The following XRRA1 variants were observed in gnomAD, a reference collection of about 807,000 sequenced individuals.
XRRA1 encodes the protein X-ray radiation resistance associated 1.
A neutral mutation model predicts 80.2 loss-of-function variants in XRRA1; 69 were observed. The observed-to-expected ratio is 0.86, with a 90% CI of 0.71 to 1.05. The LOEUF is 1.05. Ranked by LOEUF, XRRA1 falls within the 50% of genes least tolerant of loss-of-function variation. The probability of loss-of-function intolerance (pLI) is 0.00; values close to 1 mark genes in which losing one functional copy is unlikely to be tolerated. For missense variants in XRRA1, 967 were observed against 976.4 expected (o/e 0.99, Z 0.13); for synonymous variants, 348 against 389.9 (o/e 0.89, Z 1.27).
chr11:74,902,434 GA>G (rs2053730285), intron 10 of XRRA1, among the ~76,000 whole-genome samples: 1 of 152,178 alleles, frequency 6.6e-6, no homozygotes, highest in Non-Finnish European at 1.5e-5. Flanking sequence ...CAAAAGAAGG[GA>G]AATCGGTATA....
chr11:74,843,445 G>A lies in XRRA1; in HGVS notation c.2158C>T (p.Leu720=). The A allele has an allele frequency of 6.2e-7, 1 of 1,611,822 alleles. No individual in the cohort carries two copies. Among genetic ancestry groups the A allele is most frequent in the Non-Finnish European group, 8.5e-7 (1 of 1,179,038 alleles). Residue 720 remains leucine, a synonymous_variant, in exon 19 of 19, where the codon CTG becomes TTG. Transcript: ENST00000684022. ...NITEAPLGAV[L]HQWTERRLVN... The stretch of plus-strand genomic sequence containing the variant: ...AGCCGCCGTTCTGTCCACTGGTGCA[G>A]GACAGCACCTGCAGGAAAAGAAGCC...
At chr11:74,883,290 ACC>A (rs992788172) in intron 10 of XRRA1, among the ~76,000 whole-genome samples, 35 of 152,122 alleles carry the variant, frequency 2.3e-4, no homozygotes, top group African/African-American at 7.9e-4. Context: ...GCCGTCCGTC[ACC>A]CCTTTCTTTG....
intron 6 of XRRA1, among the ~76,000 whole-genome samples, chr11:74,929,729 T>A (rs1943076804): frequency 6.6e-6 from 1 of 152,222 alleles, no homozygotes; most frequent in Non-Finnish European, 1.5e-5. Context: ...CAGTTCCTCC[T>A]GACACTCTGG....
In XRRA1 at chr11:74,907,291, T is replaced by A; in HGVS notation, c.657-18A>T. The stretch of plus-strand genomic sequence containing the variant: ...ATGCCTCCCTGTGAGTGCAAAGATC[T>A]TGGGTAATGAGCAAGGTCGAGGGAC... On this transcript the variant is annotated intron_variant, in intron 8 of 18. Coordinates refer to ENST00000684022, the MANE Select transcript of XRRA1 (RefSeq NM_001378157.1). 1 of 1,613,552 alleles carries A rather than the reference T, an allele frequency of 6.2e-7. No individual in the cohort carries two copies. Among genetic ancestry groups the A allele is most frequent in the Non-Finnish European group, 8.5e-7 (1 of 1,179,650 alleles).
chr11:74,843,548 G>C, intron 18 of XRRA1, 95 bp from the exon 19 acceptor site: 1 of 1,485,660 alleles, frequency 6.7e-7, no homozygotes, highest in Non-Finnish European at 9.0e-7. Context: ...TTGGAAAATG[G>C]GATGGTGTGG....
At chr11:74,843,805 G>T in intron 18 of XRRA1, 49 bp downstream of exon 18, 2 of 1,509,380 alleles carry the variant, frequency 1.3e-6, no homozygotes, top group Non-Finnish European at 1.8e-6. Flanking sequence ...CCTTTAGCCA[G>T]CAGGCGTGAA....
rs548381065 is a variant in XRRA1 at position 74,841,611 on chromosome 11, CTG to C, written c.*1587_*1588del. The C allele has an allele frequency of 5.9e-5, 9 of 152,288 alleles. No homozygotes were observed. The South Asian group carries it at 1.7e-3, about 28-fold the overall frequency. The allele number at this position is 152,288 out of a possible 1,614,324, so 9.4% of individuals were successfully genotyped here. A position where few individuals can be genotyped will look rare whatever the true frequency, so the allele number is the denominator to read the frequency against. ...TTTTAAGTAAGGTGGCAACTTTTAACTGTCATCTTGTGAGAGGCAACCTCAAA... is the reference window on the plus strand; with the variant it reads ...TTTTAAGTAAGGTGGCAACTTTTAACTCATCTTGTGAGAGGCAACCTCAAA... On this transcript the variant is annotated 3_prime_UTR_variant, in exon 19 of 19. Coordinates refer to ENST00000684022, the MANE Select transcript of XRRA1 (RefSeq NM_001378157.1).
At chr11:74,888,049 G>A (rs1031020195) in intron 10 of XRRA1, among the ~76,000 whole-genome samples, 1 of 152,166 alleles carries the variant, frequency 6.6e-6, no homozygotes, top group African/African-American at 2.4e-5. Context: ...TTAAATGTCC[G>A]TGTCTGACAG....
At position 74,843,502 on chromosome 11, in the gene XRRA1, C is replaced by G. The variant is rs934134438; in HGVS notation, c.2150-49G>C. The G allele has an allele frequency of 2.5e-6, 4 of 1,580,854 alleles. No homozygotes were observed. In the Admixed American group the frequency reaches 5.4e-5, roughly 21 times the overall value. On this transcript the variant is annotated intron_variant, in intron 18 of 18. Transcript: ENST00000684022. Reference sequence around the variant, plus strand: ...GGCACCAAGCTCATCCTGGTTCTCACCTAGCCAGAAGCAAGAGGATTGGGT... The same window carrying G: ...GGCACCAAGCTCATCCTGGTTCTCAGCTAGCCAGAAGCAAGAGGATTGGGT...
intron 9 of XRRA1, chr11:74,906,847 T>A (rs184231555): frequency 2.5e-6 from 1 of 401,600 alleles, no homozygotes; most frequent in African/African-American, 2.0e-5. Flanking sequence ...TTTTAAAAAA[T>A]TTTCCTGTCT....
intron 8 of XRRA1, among the ~76,000 whole-genome samples, chr11:74,917,481 G>A (rs1939096417): frequency 1.3e-5 from 2 of 152,146 alleles, no homozygotes; most frequent in South Asian, 2.1e-4. Context: ...TTGTTGTCTA[G>A]ATGAGGAGAC....
chr11:74,851,025 T>C, intron 14 of XRRA1, 63 bp downstream of exon 14: 1 of 1,361,980 alleles, frequency 7.3e-7, no homozygotes, highest in Non-Finnish European at 1.0e-6. Context: ...CCAGGTTGGT[T>C]TGCATACATT....
At chr11:74,884,025 C>G (rs1419602866) in intron 10 of XRRA1, among the ~76,000 whole-genome samples, 2 of 152,116 alleles carry the variant, frequency 1.3e-5, no homozygotes, top group African/African-American at 4.8e-5. Context: ...ATGGTGAAAC[C>G]CCATCTTTAC....
At chr11:74,891,305 TATG>T (rs1197512026) in intron 10 of XRRA1, among the ~76,000 whole-genome samples, 1 of 152,050 alleles carries the variant, frequency 6.6e-6, no homozygotes, top group African/African-American at 2.4e-5. Flanking sequence ...ACAAAAACCA[TATG>T]ATTATCTCAA....
intron 14 of XRRA1, among the ~76,000 whole-genome samples, chr11:74,850,130 G>C (rs1167411481): frequency 1.3e-5 from 2 of 152,154 alleles, no homozygotes; most frequent in African/African-American, 4.8e-5. Context: ...TTGATGGGAG[G>C]AGGTGTGAGG....
intron 9 of XRRA1, 146 bp from the exon 10 acceptor site, chr11:74,906,602 G>T: frequency 2.3e-6 from 2 of 864,120 alleles, no homozygotes; most frequent in Non-Finnish European, 1.7e-6. Context: ...TACTCTCTCT[G>T]GGATTCAATA....
chr11:74,880,217 T>C (rs1249322675), intron 10 of XRRA1, among the ~76,000 whole-genome samples: 3 of 152,262 alleles, frequency 2.0e-5, no homozygotes, highest in Non-Finnish European at 2.9e-5. Context: ...TCCAGGAATT[T>C]ATCCATTTCT....
intron 10 of XRRA1, among the ~76,000 whole-genome samples, chr11:74,865,288 G>A (rs61894786): frequency 0.62 from 93,485 of 151,740 alleles, 30,181 homozygotes; most frequent in East Asian, 0.8. Flanking sequence ...GATCCTGTGT[G>A]GGCCCAGTCT....
intron 8 of XRRA1, among the ~76,000 whole-genome samples, chr11:74,913,277 C>A (rs903751200): frequency 6.6e-6 from 1 of 152,278 alleles, no homozygotes; most frequent in East Asian, 1.9e-4. Flanking sequence ...GAGATTACTG[C>A]CATCACTAAA....
Sources: gnomAD v4.1 joint callset for allele counts (sites outside exome capture counted in the v4.1 genomes callset) on GRCh38, gnomAD v4.1.1 for gene constraint, MANE v1.5 for transcripts, NCBI Gene and HGNC (gene_info 2026-07-23, HGNC 2026-07-21) for gene names.